Variants in GBP7 observed in about 807,000 individuals in gnomAD.
GBP7 encodes guanylate binding protein 7.
GBP7 carries 43 observed loss-of-function variants against 61.3 expected under a neutral mutation model. The ratio of observed to expected loss-of-function variants is 0.70; its 90% CI spans 0.55 to 0.91. The LOEUF is 0.91. Among genes scored for constraint, GBP7 ranks in the 40% least tolerant of loss-of-function variants. GBP7 has a pLI of 0.00. For missense variants in GBP7, 717 were observed against 740.5 expected (o/e 0.97, Z 0.37); for synonymous variants, 267 against 271.0 (o/e 0.99, Z 0.14).
intron 9 of GBP7, among the ~76,000 whole-genome samples, chr1:89,135,397 T>C (rs1410375866): frequency 2.0e-5 from 3 of 151,966 alleles, no homozygotes; most frequent in Non-Finnish European, 4.4e-5. Context: ...GAAATGGTCA[T>C]CAGATTTTCC....
intron 2 of GBP7, among the ~76,000 whole-genome samples, chr1:89,169,324 A>T (rs2100661512): frequency 6.6e-6 from 1 of 152,350 alleles, no homozygotes; most frequent in South Asian, 2.1e-4. Context: ...ATTGGCTTAA[A>T]GTGTCAACGA....
intron 2 of GBP7, among the ~76,000 whole-genome samples, chr1:89,170,963 A>G (rs1647581490): frequency 6.6e-6 from 1 of 152,206 alleles, no homozygotes; most frequent in Non-Finnish European, 1.5e-5. Context: ...GATCCTGTAA[A>G]CCAATGAACT....
intron 9 of GBP7, among the ~76,000 whole-genome samples, chr1:89,134,438 G>C (rs181938021): frequency 6.6e-6 from 1 of 152,152 alleles, no homozygotes; most frequent in Non-Finnish European, 1.5e-5. Context: ...CTCCTCATCG[G>C]TGTGTTGTTG....
intron 5 of GBP7, among the ~76,000 whole-genome samples, chr1:89,151,265 G>A (rs1682190708): frequency 1.3e-5 from 2 of 151,994 alleles, no homozygotes; most frequent in Admixed American, 1.3e-4. Flanking sequence ...TGTATTTGAC[G>A]TTTTGAAATA....
At chr1:89,174,863 A>G (rs1647699106) in intron 1 of GBP7, among the ~76,000 whole-genome samples, 1 of 152,142 alleles carries the variant, frequency 6.6e-6, no homozygotes, top group African/African-American at 2.4e-5. Flanking sequence ...TAATTATTTC[A>G]TGTAATGAAG....
At chr1:89,141,814 AG>A (rs1557453887) in intron 8 of GBP7, among the ~76,000 whole-genome samples, 166 bp from the exon 9 acceptor site, 1 of 152,214 alleles carries the variant, frequency 6.6e-6, no homozygotes, top group African/African-American at 2.4e-5. Flanking sequence ...AAAAAGTCCA[AG>A]CTCTTTGTTG....
intron 3 of GBP7, among the ~76,000 whole-genome samples, chr1:89,163,098 T>A (rs1276205474): frequency 6.6e-6 from 1 of 152,204 alleles, no homozygotes; most frequent in African/African-American, 2.4e-5. Context: ...ATTCTTGCAT[T>A]CCAGGGATAA....
intron 7 of GBP7, among the ~76,000 whole-genome samples, chr1:89,148,076 A>T: frequency 6.6e-6 from 1 of 152,218 alleles, no homozygotes; most frequent in East Asian, 1.9e-4. Flanking sequence ...GAGAACACAG[A>T]TTGCTATGGA....
At chr1:89,173,987 G>A (rs1647671386) in intron 1 of GBP7, among the ~76,000 whole-genome samples, 1 of 152,092 alleles carries the variant, frequency 6.6e-6, no homozygotes, top group South Asian at 2.1e-4. Context: ...AAATGAGAAT[G>A]TACATATTTT....
rs1377550772 is a variant in GBP7 at position 89,136,521 on chromosome 1, A to G, written c.1469-3070T>C. On this transcript the variant is annotated intron_variant, in intron 9 of 10. Transcript: ENST00000294671. Reference sequence around the variant, plus strand: ...TACAAAGAATATCTCTCAAAGCTATACAATTACATGAAAATTAATTAATCT... The same window carrying G: ...TACAAAGAATATCTCTCAAAGCTATGCAATTACATGAAAATTAATTAATCT... Among the ~76,000 whole-genome samples, 5 of 152,188 alleles carry G rather than the reference A, an allele frequency of 3.3e-5. No individual in the cohort carries two copies. The East Asian group carries it at 9.6e-4, about 29-fold the overall frequency.
At position 89,165,866 on chromosome 1, in the gene GBP7, C is replaced by A. The variant is rs555682927; in HGVS notation, c.191-1008G>T. On this transcript the variant is annotated intron_variant, in intron 2 of 10. Transcript: ENST00000294671. ...AACCACCGTGACACGTGTATACCTA[C>A]GTAAGAAACTTGCATGTTCTGCACA... Among the ~76,000 whole-genome samples, 85 of 152,062 alleles carry A rather than the reference C, an allele frequency of 5.6e-4. 1 individual carries two copies. The highest frequency in any genetic ancestry group is 2.0e-3 in the African/African-American group (81 of 41,466).
chr1:89,162,909 G>A (rs1239402546), intron 3 of GBP7, among the ~76,000 whole-genome samples: 2 of 152,014 alleles, frequency 1.3e-5, no homozygotes, highest in Admixed American at 1.3e-4. Flanking sequence ...TGTCATATAT[G>A]GCTCTTATCA....
At chr1:89,162,103 TG>T (rs1470915552) in intron 3 of GBP7, among the ~76,000 whole-genome samples, 1 of 151,880 alleles carries the variant, frequency 6.6e-6, no homozygotes, top group Non-Finnish European at 1.5e-5. Flanking sequence ...TCTTAAATTC[TG>T]GGTTATCTGT....
chr1:89,154,788 A>G lies in GBP7; in HGVS notation c.319-2011T>C, dbSNP rs147609234. Among the ~76,000 whole-genome samples, 736 of 132,006 alleles carry G rather than the reference A, an allele frequency of 5.6e-3. 4 individuals are homozygous for G. Among genetic ancestry groups the G allele is most frequent in the African/African-American group, 0.02 (675 of 34,036 alleles). 86.6% of individuals were successfully genotyped at this position (132,006 alleles called of 152,430 possible). A position where few individuals can be genotyped will look rare whatever the true frequency, so the allele number is the denominator to read the frequency against. Reference sequence around the variant, plus strand: ...CCCCTGAACTTAATGAAATACCATGAAAGTTAATAAAATTTAAAAAAAATA... The same window carrying G: ...CCCCTGAACTTAATGAAATACCATGGAAGTTAATAAAATTTAAAAAAAATA... On this transcript the variant is annotated intron_variant, in intron 3 of 10. Coordinates refer to ENST00000294671, the MANE Select transcript of GBP7 (RefSeq NM_207398.3).
intron 3 of GBP7, among the ~76,000 whole-genome samples, chr1:89,155,379 T>A (rs2100650968): frequency 6.6e-6 from 1 of 152,286 alleles, no homozygotes; most frequent in Admixed American, 6.5e-5. Context: ...AGAAGAAGGC[T>A]TCAGACAATC....
chr1:89,143,088 T>G (rs371796674), intron 8 of GBP7, among the ~76,000 whole-genome samples: 1 of 152,232 alleles, frequency 6.6e-6, no homozygotes, highest in South Asian at 2.1e-4. Flanking sequence ...GTTTTTCAAT[T>G]TTAGCAATTA....
chr1:89,154,690 G>T (rs1251150106), intron 3 of GBP7, among the ~76,000 whole-genome samples: 1 of 149,034 alleles, frequency 6.7e-6, no homozygotes, highest in Non-Finnish European at 1.5e-5. Flanking sequence ...TTAAGTTCAG[G>T]CTTACCCCCA....
chr1:89,158,918 A>C (rs1387335440), intron 3 of GBP7, among the ~76,000 whole-genome samples: 1 of 152,226 alleles, frequency 6.6e-6, no homozygotes, highest in African/African-American at 2.4e-5. Flanking sequence ...ATCCTAAGCC[A>C]AAAGAACAAA....
intron 2 of GBP7, among the ~76,000 whole-genome samples, chr1:89,167,548 A>T (rs1442712576): frequency 6.6e-6 from 1 of 152,202 alleles, no homozygotes; most frequent in Non-Finnish European, 1.5e-5. Flanking sequence ...ATCTGCCAAG[A>T]GCAAAAATAA....
Sources: allele counts gnomAD v4.1 joint callset (sites outside exome capture counted in the v4.1 genomes callset), GRCh38; gene constraint gnomAD v4.1.1; transcripts MANE v1.5; gene names NCBI Gene and HGNC (gene_info 2026-07-23, HGNC 2026-07-21).